The following PLCG2 variants were observed in gnomAD, a reference collection of about 807,000 sequenced individuals.
PLCG2 encodes phospholipase C gamma 2.
A neutral mutation model predicts 175.6 loss-of-function variants in PLCG2; 69 were observed. That is an observed-to-expected ratio of 0.39 (90% confidence interval 0.32 to 0.48). The LOEUF is 0.48. Ranked by LOEUF, PLCG2 falls within the 20% of genes least tolerant of loss-of-function variation. The probability of loss-of-function intolerance (pLI) is 0.91; values close to 1 mark genes in which losing one functional copy is unlikely to be tolerated. For synonymous variants in PLCG2, 827 were observed against 624.0 expected (o/e 1.33, Z -4.85); for missense variants, 1,798 against 1,650.9 (o/e 1.09, Z -1.54).
intron 2 of PLCG2, among the ~76,000 whole-genome samples, chr16:81,839,976 G>T (rs1389731125): frequency 6.6e-6 from 1 of 152,194 alleles, no homozygotes; most frequent in Non-Finnish European, 1.5e-5. Context: ...AGGGTCCCTT[G>T]AGCCTACGAG....
At chr16:81,857,993 C>G in intron 3 of PLCG2, 2 of 442,984 alleles carry the variant, frequency 4.5e-6, no homozygotes, top group Non-Finnish European at 8.2e-6. Context: ...ACCACTCCCT[C>G]CATTCTTAGC....
chr16:81,828,621 T>C (rs1905139247), intron 2 of PLCG2, among the ~76,000 whole-genome samples: 1 of 152,070 alleles, frequency 6.6e-6, no homozygotes, highest in South Asian at 2.1e-4. Context: ...AGCGAGTCCT[T>C]GCGGGTCAGC....
chr16:81,765,056 C>A (rs553286781), intron 2 of PLCG2, among the ~76,000 whole-genome samples: 1 of 152,186 alleles, frequency 6.6e-6, no homozygotes, highest in African/African-American at 2.4e-5. Context: ...CCATTGCACT[C>A]CAGCCTGGGT....
intron 2 of PLCG2, among the ~76,000 whole-genome samples, chr16:81,835,107 C>T (rs1385751648): frequency 6.6e-6 from 1 of 152,088 alleles, no homozygotes; most frequent in Non-Finnish European, 1.5e-5. Context: ...TTGGTGTCAG[C>T]TCTGTTATTG....
chr16:81,854,396 G>C lies in PLCG2; in HGVS notation c.194-48G>C, dbSNP rs779694061. 20 of 1,585,244 alleles carry C rather than the reference G, an allele frequency of 1.3e-5. No homozygotes were observed. In the East Asian group the frequency reaches 4.0e-4, roughly 32 times the overall value. ...TGCAGTTGTGTGGCTGCATCCTCAGGTGGAGGGAACTCCAGCTTCTAATTG... is the reference window on the plus strand; with the variant it reads ...TGCAGTTGTGTGGCTGCATCCTCAGCTGGAGGGAACTCCAGCTTCTAATTG... On this transcript the variant is annotated intron_variant, in intron 2 of 32. Transcript: ENST00000564138.
chr16:81,943,444 GAACAGCAA>G (rs1911032209), intron 30 of PLCG2, among the ~76,000 whole-genome samples: 1 of 152,118 alleles, frequency 6.6e-6, no homozygotes, highest in Non-Finnish European at 1.5e-5. Flanking sequence ...ACTATCATGA[GAACAGCAA>G]GTGGGAAGTC....
chr16:81,859,204 G>C (rs762220232), intron 5 of PLCG2, 41 bp downstream of exon 5: 12 of 1,333,224 alleles, frequency 9.0e-6, no homozygotes, highest in Non-Finnish European at 1.3e-5. Context: ...TTTGGATTTC[G>C]ATCCTCATTC....
In PLCG2 at chr16:81,854,512, G is replaced by C. The variant is rs770220765; in HGVS notation, c.262G>C (p.Val88Leu). 1.2e-6 allele frequency: 2 copies of C among 1,613,940 alleles called. No individual in the cohort carries two copies. The highest frequency in any genetic ancestry group is 4.5e-5 in the East Asian group (2 of 44,904). Reference protein sequence around the residue: ...NSKDFERAKAVRQKEDCCFTI... With the variant: ...NSKDFERAKALRQKEDCCFTI... ...CAAAGATTTCGAGCGAGCAAAAGCA[G>C]TTCGCCAGAAAGAAGACTGCTGCTT... Residue 88 changes from valine to leucine, a missense_variant, in exon 3 of 33, where the codon GTT becomes CTT. By Grantham distance (32) the Val-to-Leu change is conservative. Transcript: ENST00000564138.
intron 7 of PLCG2, among the ~76,000 whole-genome samples, chr16:81,878,089 C>G (rs761060496): frequency 1.7e-4 from 24 of 139,574 alleles, no homozygotes; most frequent in Non-Finnish European, 2.7e-4. Flanking sequence ...TCACGCCATT[C>G]TTCTGCCTCA....
chr16:81,854,618 C>A (rs372679048), intron 3 of PLCG2, 31 bp downstream of exon 3: 144 of 1,605,020 alleles, frequency 9.0e-5, no homozygotes, highest in Middle Eastern at 6.6e-4. Flanking sequence ...CTTTCTCCTT[C>A]CCTGTGCCTT....
At chr16:81,789,317 G>T (rs1046118498) in intron 2 of PLCG2, among the ~76,000 whole-genome samples, 1 of 152,162 alleles carries the variant, frequency 6.6e-6, no homozygotes, top group Admixed American at 6.5e-5. Flanking sequence ...TAGAGACAGG[G>T]TCTTGCTCTG....
chr16:81,741,273 T>G (rs907943438), intron 1 of PLCG2, among the ~76,000 whole-genome samples: 2 of 152,246 alleles, frequency 1.3e-5, no homozygotes, highest in African/African-American at 4.8e-5. Context: ...ATTTTAGTTG[T>G]ATTTTACAGA....
chr16:81,898,871 G>A (rs773952586), intron 13 of PLCG2, among the ~76,000 whole-genome samples: 18 of 152,156 alleles, frequency 1.2e-4, no homozygotes, highest in East Asian at 1.9e-4. Flanking sequence ...AGGAGGAAAC[G>A]TAAATATGTG....
chr16:81,960,681 G>C lies in PLCG2; in HGVS notation c.*2683G>C, dbSNP rs1236202330. ...TTATCTATAGTGGAACACATTTGAA[G>C]ACCTACTGCTCTATTAAGAAGGCAG... On this transcript the variant is annotated 3_prime_UTR_variant, in exon 33 of 33. Coordinates refer to ENST00000564138, the MANE Select transcript of PLCG2 (RefSeq NM_002661.5). The C allele has an allele frequency of 1.3e-4, 30 of 230,418 alleles. No individual in the cohort carries two copies. In the East Asian group the frequency reaches 1.7e-3, roughly 13 times the overall value. The allele number at this position is 230,418 out of a possible 1,614,324, so 14.3% of individuals were successfully genotyped here. A position where few individuals can be genotyped will look rare whatever the true frequency, so the allele number is the denominator to read the frequency against.
chr16:81,890,699 G>A (rs746820222), intron 10 of PLCG2, among the ~76,000 whole-genome samples: 12 of 152,172 alleles, frequency 7.9e-5, no homozygotes, highest in South Asian at 2.1e-4. Context: ...ATATGAGGTC[G>A]TTCTCACGCA....
chr16:81,915,385 T>C (rs1462211036), intron 19 of PLCG2, among the ~76,000 whole-genome samples: 2 of 152,184 alleles, frequency 1.3e-5, no homozygotes, highest in Non-Finnish European at 2.9e-5. Context: ...AAAGGAAGTG[T>C]TGAGTTGTTG....
At chr16:81,859,840 G>T (rs1052758168) in intron 5 of PLCG2, among the ~76,000 whole-genome samples, 2 of 152,150 alleles carry the variant, frequency 1.3e-5, no homozygotes, top group Non-Finnish European at 2.9e-5. Flanking sequence ...CCGGCCACCA[G>T]GTGGTTCTAA....
At chr16:81,764,403 G>A (rs868322090) in intron 2 of PLCG2, among the ~76,000 whole-genome samples, 1 of 152,220 alleles carries the variant, frequency 6.6e-6, no homozygotes, top group Admixed American at 6.5e-5. Flanking sequence ...ATGTCAATGT[G>A]ACAGTGTAGA....
In PLCG2 at chr16:81,783,196, C is replaced by G. The variant is rs1910818756; in HGVS notation, c.-47-2747C>G. The stretch of plus-strand genomic sequence containing the variant: ...TTCCAGTGGACTATGGCCTAGAGAC[C>G]TGGGAGTGGGGAACTCCAGGATGCA... On this transcript the variant is annotated intron_variant, in intron 1 of 32. Transcript: ENST00000564138. 2.1e-5 allele frequency: 10 copies of G among 465,362 alleles called. No homozygotes were observed. In the Admixed American group the frequency reaches 2.3e-4, roughly 11 times the overall value. The allele number at this position is 465,362 out of a possible 1,614,324, so 28.8% of individuals were successfully genotyped here.
Sources: allele counts gnomAD v4.1 joint callset (sites outside exome capture counted in the v4.1 genomes callset), GRCh38; gene constraint gnomAD v4.1.1; transcripts MANE v1.5; gene names NCBI Gene and HGNC (gene_info 2026-07-23, HGNC 2026-07-21).